PLAAT1: variants seen among roughly 807,000 people sequenced by gnomAD.
PLAAT1 encodes H-REV107 protein-related protein.
A neutral mutation model predicts 16.4 loss-of-function variants in PLAAT1; 13 were observed. The ratio of observed to expected loss-of-function variants is 0.79; its 90% CI spans 0.52 to 1.26. The LOEUF is 1.26. Among genes scored for constraint, PLAAT1 ranks in the 50% most tolerant of loss-of-function variants. PLAAT1 has a pLI of 0.00. For synonymous variants in PLAAT1, 73 were observed against 78.4 expected, an observed-to-expected ratio of 0.93 and a Z score of 0.36; for missense variants, 218 against 207.8, an observed-to-expected ratio of 1.05 and a Z score of -0.30.
At chr3:193,260,972 T>A (rs1716562877) in intron 2 of PLAAT1, among the ~76,000 whole-genome samples, 1 of 152,222 alleles carries the variant, frequency 6.6e-6, no homozygotes, top group African/African-American at 2.4e-5. Flanking sequence ...AGCAGTTACT[T>A]CTGGGTGGTG....
chr3:193,257,476 CAATA>C (rs1716420860), intron 2 of PLAAT1, among the ~76,000 whole-genome samples: 1 of 152,214 alleles, frequency 6.6e-6, no homozygotes, highest in Admixed American at 6.5e-5. Context: ...AAGCAAGTCT[CAATA>C]AAGTCAAAAA....
intron 1 of PLAAT1, among the ~76,000 whole-genome samples, chr3:193,251,040 A>G (rs1716173946): frequency 1.5e-5 from 2 of 132,780 alleles, no homozygotes; most frequent in African/African-American, 4.9e-5. Flanking sequence ...TCTCCTGTTC[A>G]AGCAAGAAGT....
In PLAAT1 at chr3:193,246,452, C is replaced by T. The variant is rs140083147; in HGVS notation, c.-1+4919C>T. Among the ~76,000 whole-genome samples the T allele has an allele frequency of 7.4e-4, 113 of 152,218 alleles. 2 individuals are homozygous for T. In the East Asian group the frequency reaches 0.018, roughly 24 times the overall value. On this transcript the variant is annotated intron_variant, in intron 1 of 3. Coordinates refer to ENST00000264735, the MANE Select transcript of PLAAT1 (RefSeq NM_020386.5). Reference sequence around the variant, plus strand: ...TGATCTTGACTCACTGCAACCTCCACCCGCATCGAGCTCAAGCTGTCCTCT... The same window carrying T: ...TGATCTTGACTCACTGCAACCTCCATCCGCATCGAGCTCAAGCTGTCCTCT...
chr3:193,252,890 G>A (rs1022980586), intron 1 of PLAAT1, among the ~76,000 whole-genome samples: 17 of 152,058 alleles, frequency 1.1e-4, no homozygotes, highest in African/African-American at 4.1e-4. Flanking sequence ...ATTGGACTAG[G>A]ACTAGATGGG....
chr3:193,241,105 A>G, upstream of PLAAT1: 5 of 768,908 alleles, frequency 6.5e-6, no homozygotes, highest in Non-Finnish European at 8.1e-6. Context: ...GGGCGCGAGA[A>G]GGTGCAGTTC....
At chr3:193,252,655 T>C (rs1479924528) in intron 1 of PLAAT1, among the ~76,000 whole-genome samples, 1 of 152,202 alleles carries the variant, frequency 6.6e-6, no homozygotes. Flanking sequence ...ATTTTTCTCC[T>C]ATGTTTTTCT....
At chr3:193,254,669 T>A (rs918817545) in intron 1 of PLAAT1, among the ~76,000 whole-genome samples, 2 of 152,212 alleles carry the variant, frequency 1.3e-5, no homozygotes, top group Non-Finnish European at 2.9e-5. Flanking sequence ...TTCATCAATG[T>A]GATGAACTCA....
chr3:193,279,527 CAATT>C, downstream of PLAAT1: 1 of 1,208,912 alleles, frequency 8.3e-7, no homozygotes, highest in Non-Finnish European at 1.2e-6. Flanking sequence ...ATTGCAGAAT[CAATT>C]ATCTCTGTTG....
chr3:193,241,220 T>G (rs1159185231), upstream of PLAAT1: 4 of 1,223,604 alleles, frequency 3.3e-6, no homozygotes, highest in Non-Finnish European at 4.1e-6. Flanking sequence ...CGGCTCCCCA[T>G]GGTCAGAGCC....
downstream of PLAAT1, among the ~76,000 whole-genome samples, chr3:193,274,426 A>G (rs1717093337): frequency 6.6e-6 from 1 of 152,248 alleles, no homozygotes. Context: ...ATTTGCTTAT[A>G]TATTAACTGT....
At chr3:193,242,584 C>G (rs1279464286) in intron 1 of PLAAT1, among the ~76,000 whole-genome samples, 1 of 152,128 alleles carries the variant, frequency 6.6e-6, no homozygotes, top group Non-Finnish European at 1.5e-5. Context: ...TGCCAGGATT[C>G]TAGGGCGGGG....
At chr3:193,275,073 G>T, downstream of PLAAT1, 1 of 1,614,148 alleles carries the variant, frequency 6.2e-7, no homozygotes, top group Non-Finnish European at 8.5e-7. Flanking sequence ...CTGTTCTGTG[G>T]GTTGGCCTCC....
intron 1 of PLAAT1, among the ~76,000 whole-genome samples, chr3:193,247,616 C>T (rs549811456): frequency 1.1e-4 from 16 of 152,252 alleles, no homozygotes; most frequent in African/African-American, 3.6e-4. Context: ...GTAAAAAATC[C>T]TGCATCAATA....
At chr3:193,260,311 C>G (rs527312915) in intron 2 of PLAAT1, among the ~76,000 whole-genome samples, 29 of 152,248 alleles carry the variant, frequency 1.9e-4, no homozygotes, top group South Asian at 1.5e-3. Context: ...TAATTTATGT[C>G]TAAGTCTCCA....
intron 1 of PLAAT1, among the ~76,000 whole-genome samples, chr3:193,247,774 C>T (rs1315895913): frequency 6.6e-6 from 1 of 152,032 alleles, no homozygotes; most frequent in East Asian, 1.9e-4. Flanking sequence ...AGGTTTGTGC[C>T]ATTGTGGTCA....
At chr3:193,264,743 G>A (rs1006341565) in intron 3 of PLAAT1, among the ~76,000 whole-genome samples, 1 of 152,156 alleles carries the variant, frequency 6.6e-6, no homozygotes, top group African/African-American at 2.4e-5. Flanking sequence ...TCAAACTCCT[G>A]ACCTCGTGAT....
At chr3:193,262,499 C>T (rs1046889281) in intron 2 of PLAAT1, among the ~76,000 whole-genome samples, 14 of 152,112 alleles carry the variant, frequency 9.2e-5, no homozygotes, top group African/African-American at 2.7e-4. Context: ...AAGTTTCAGA[C>T]GCTTAGGGAG....
chr3:193,274,882 A>G (rs1717112819), downstream of PLAAT1: 1 of 992,842 alleles, frequency 1.0e-6, no homozygotes, highest in South Asian at 1.6e-5. Context: ...GAATAAGCCT[A>G]TCTAAGGTCC....
At chr3:193,247,113 C>A (rs1221666515) in intron 1 of PLAAT1, among the ~76,000 whole-genome samples, 1 of 152,140 alleles carries the variant, frequency 6.6e-6, no homozygotes, top group Admixed American at 6.5e-5. Context: ...TCATCCATTT[C>A]TTCTGTGTTA....
Sources: gnomAD v4.1 joint callset for allele counts (sites outside exome capture counted in the v4.1 genomes callset) on GRCh38, gnomAD v4.1.1 for gene constraint, MANE v1.5 for transcripts, NCBI Gene and HGNC (gene_info 2026-07-23, HGNC 2026-07-21) for gene names.